The following LRP1B variants were observed in gnomAD, a reference collection of about 807,000 sequenced individuals.
LRP1B encodes the protein LDL receptor related protein 1B.
A neutral mutation model predicts 556.6 loss-of-function variants in LRP1B; 217 were observed. The observed-to-expected ratio is 0.39, with a 90% confidence interval of 0.35 to 0.44. LRP1B has a LOEUF of 0.44. Ranked by LOEUF, LRP1B falls within the 20% of genes least tolerant of loss-of-function variation. LRP1B has a pLI of 1.00. For synonymous variants in LRP1B, 2,047 were observed against 1,865.8 expected (o/e 1.10, Z -2.50); for missense variants, 5,053 against 5,620.8 (o/e 0.90, Z 3.23).
chr2:141,579,838 T>A (rs1326392543), intron 2 of LRP1B, among the ~76,000 whole-genome samples: 1 of 148,742 alleles, frequency 6.7e-6, no homozygotes, highest in Non-Finnish European at 1.5e-5. Context: ...TAGCTGGGAC[T>A]ACAGGCACCC....
intron 7 of LRP1B, among the ~76,000 whole-genome samples, chr2:141,167,573 A>G (rs1487634602): frequency 6.6e-6 from 1 of 151,942 alleles, no homozygotes; most frequent in East Asian, 1.9e-4. Context: ...TACTATCTAT[A>G]TATGACCAAT....
At chr2:141,137,409 G>T (rs998314147) in intron 7 of LRP1B, among the ~76,000 whole-genome samples, 4 of 151,992 alleles carry the variant, frequency 2.6e-5, no homozygotes, top group African/African-American at 9.6e-5. Context: ...CTCTTGATAA[G>T]ATTCAAAGCT....
intron 3 of LRP1B, among the ~76,000 whole-genome samples, chr2:141,457,518 T>C (rs1681679011): frequency 6.6e-6 from 1 of 152,138 alleles, no homozygotes; most frequent in African/African-American, 2.4e-5. Context: ...GGTTGATAGA[T>C]GCAGCAAATC....
rs200241716 is a variant in LRP1B, at chr2:141,781,853, T to A, written c.205+28426A>T. On this transcript the variant is annotated intron_variant, in intron 2 of 90. Coordinates refer to ENST00000389484, the MANE Select transcript of LRP1B (RefSeq NM_018557.3). ...TTCAGTGGGATCATGAGAACAAAGA[T>A]GATGATGATGATGAAGAAGATGTTA... Among the ~76,000 whole-genome samples, 7 of 101,234 alleles carry A rather than the reference T, an allele frequency of 6.9e-5. No individual in the cohort carries two copies. The Admixed American group carries it at 7.1e-4, about 10-fold the overall frequency. 66.4% of individuals were successfully genotyped at this position (101,234 alleles called of 152,430 possible).
intron 7 of LRP1B, among the ~76,000 whole-genome samples, chr2:141,108,568 T>C (rs1700670515): frequency 6.6e-6 from 1 of 152,066 alleles, no homozygotes; most frequent in Non-Finnish European, 1.5e-5. Context: ...CAGGCTGGTC[T>C]TGAACTCCTG....
At chr2:140,458,590 GA>G (rs1687195869) in intron 60 of LRP1B, among the ~76,000 whole-genome samples, 2 of 152,008 alleles carry the variant, frequency 1.3e-5, no homozygotes, top group African/African-American at 2.4e-5. Context: ...TGTACTTTTA[GA>G]AATTCTGACA....
chr2:140,655,032 G>GTA lies in LRP1B; in HGVS notation c.6799+45216_6799+45217dup, dbSNP rs145869246. 8.4e-3 allele frequency among the ~76,000 whole-genome samples: 1,236 copies of GTA among 147,138 alleles called. 28 individuals carry two copies. Among genetic ancestry groups the GTA allele is most frequent in the African/African-American group, 0.024 (956 of 39,300 alleles). ...GAGAAATTTGTATGGGTATATGTAT[G>GTA]TATATATATATATATCTCCTAGCTC... On this transcript the variant is annotated intron_variant, in intron 41 of 90. Transcript: ENST00000389484.
chr2:141,556,423 T>C (rs1307942617), intron 2 of LRP1B, among the ~76,000 whole-genome samples: 1 of 151,956 alleles, frequency 6.6e-6, no homozygotes, highest in Non-Finnish European at 1.5e-5. Flanking sequence ...ATGTCCTGAT[T>C]GTTGGGATTT....
intron 2 of LRP1B, among the ~76,000 whole-genome samples, chr2:141,592,016 G>C (rs960618674): frequency 6.6e-6 from 1 of 151,930 alleles, no homozygotes; most frequent in Non-Finnish European, 1.5e-5. Flanking sequence ...GTAACAATTT[G>C]GTTGCAACTT....
chr2:142,004,869 CCA>C (rs1483804417), intron 1 of LRP1B, among the ~76,000 whole-genome samples: 1 of 151,802 alleles, frequency 6.6e-6, no homozygotes, highest in African/African-American at 2.4e-5. Context: ...ACAAAAAACC[CCA>C]CAGTTGTCTA....
chr2:141,829,189 G>A (rs2105742768), intron 1 of LRP1B, among the ~76,000 whole-genome samples: 1 of 152,192 alleles, frequency 6.6e-6, no homozygotes, highest in East Asian at 1.9e-4. Flanking sequence ...TAACAAGACA[G>A]TTTGAACACT....
chr2:141,729,980 A>G (rs186970076), intron 2 of LRP1B, among the ~76,000 whole-genome samples: 7 of 152,264 alleles, frequency 4.6e-5, no homozygotes, highest in Admixed American at 4.6e-4. Context: ...TGTGCATTAA[A>G]TCAAAGCATT....
At chr2:141,898,014 G>T (rs2104928020) in intron 1 of LRP1B, among the ~76,000 whole-genome samples, 1 of 152,130 alleles carries the variant, frequency 6.6e-6, no homozygotes, top group Admixed American at 6.6e-5. Context: ...ATATCTCACA[G>T]TCTATCCCAT....
At chr2:141,920,984 T>C (rs547173430) in intron 1 of LRP1B, among the ~76,000 whole-genome samples, 4 of 152,126 alleles carry the variant, frequency 2.6e-5, no homozygotes, top group Non-Finnish European at 4.4e-5. Flanking sequence ...GTTGAAATAC[T>C]CCATGAACAT....
chr2:140,512,424 A>C (rs1213563306), intron 51 of LRP1B, among the ~76,000 whole-genome samples: 1 of 152,176 alleles, frequency 6.6e-6, no homozygotes, highest in African/African-American at 2.4e-5. Flanking sequence ...CTCAGGGAAA[A>C]GAATCCCGAG....
intron 18 of LRP1B, among the ~76,000 whole-genome samples, chr2:140,952,772 T>A (rs1163778210): frequency 1.3e-5 from 2 of 152,146 alleles, no homozygotes; most frequent in Non-Finnish European, 2.9e-5. Context: ...GTAACAGTAG[T>A]CAGAGAAAAA....
chr2:141,572,150 T>C (rs1686552105), intron 2 of LRP1B, among the ~76,000 whole-genome samples: 1 of 151,840 alleles, frequency 6.6e-6, no homozygotes, highest in Non-Finnish European at 1.5e-5. Flanking sequence ...AAGGTCAAAA[T>C]GAAGGAAAAA....
At position 142,130,872 on chromosome 2, in the gene LRP1B, A is replaced by T; in HGVS notation, c.-143T>A. On this transcript the variant is annotated 5_prime_UTR_variant, in exon 1 of 91. In the 5' UTR this introduces an upstream ATG that the reference lacks. Transcript: ENST00000389484. ...ATGTCACTGGAAATTCTTCAGCTCA[A>T]TGAGTCCAGCCAGTCAGCCTTCTCC... is the stretch of plus-strand genomic sequence containing the variant. 1 of 718,676 alleles carries T rather than the reference A, an allele frequency of 1.4e-6. No individual in the cohort carries two copies. Among genetic ancestry groups the T allele is most frequent in the Non-Finnish European group, 2.5e-6 (1 of 401,538 alleles). The allele number at this position is 718,676 out of a possible 1,614,324, so 44.5% of individuals were successfully genotyped here.
chr2:140,490,647 G>GT (rs1173138345), intron 57 of LRP1B, among the ~76,000 whole-genome samples: 1 of 152,044 alleles, frequency 6.6e-6, no homozygotes, highest in African/African-American at 2.4e-5. Flanking sequence ...AAAGATAATG[G>GT]TTTCTACTGC....
Sources: gnomAD v4.1 joint callset for allele counts (sites outside exome capture counted in the v4.1 genomes callset) on GRCh38, gnomAD v4.1.1 for gene constraint, MANE v1.5 for transcripts, NCBI Gene and HGNC (gene_info 2026-07-23, HGNC 2026-07-21) for gene names.